Variants in SNTG1 observed in about 807,000 individuals in gnomAD.
The protein encoded by SNTG1 is syntrophin gamma 1, also known as gamma-1-syntrophin.
In SNTG1, 39 loss-of-function variants were observed where a neutral mutation model predicts 74.7. The observed-to-expected ratio is 0.52, with a 90% CI of 0.40 to 0.68. The LOEUF (loss-of-function observed/expected upper bound fraction) is 0.68, where lower values mean the gene tolerates loss of function less well. Ranked by LOEUF, SNTG1 falls within the 30% of genes least tolerant of loss-of-function variation. SNTG1 has a pLI of 0.00. For synonymous variants in SNTG1, 254 were observed against 217.1 expected (o/e 1.17, Z -1.49); for missense variants, 685 against 609.5 (o/e 1.12, Z -1.30).
intron 1 of SNTG1, among the ~76,000 whole-genome samples, chr8:50,034,370 G>A (rs1817977875): frequency 6.6e-6 from 1 of 152,226 alleles, no homozygotes; most frequent in Admixed American, 6.5e-5. Flanking sequence ...AACTGGTGTA[G>A]TTAGAAAACA....
chr8:50,593,460 T>C (rs1248531132), intron 13 of SNTG1, among the ~76,000 whole-genome samples: 2 of 151,244 alleles, frequency 1.3e-5, no homozygotes, highest in South Asian at 2.1e-4. Flanking sequence ...AATAAAGAAA[T>C]CAAAATCATA....
intron 1 of SNTG1, among the ~76,000 whole-genome samples, chr8:50,164,774 G>GA (rs1422774459): frequency 1.3e-5 from 2 of 152,036 alleles, no homozygotes; most frequent in Admixed American, 1.3e-4. Flanking sequence ...AAACTCTTTG[G>GA]AAAAAATATT....
At chr8:50,165,584 C>T (rs983622039) in intron 1 of SNTG1, among the ~76,000 whole-genome samples, 4 of 152,124 alleles carry the variant, frequency 2.6e-5, no homozygotes, top group Admixed American at 6.5e-5. Flanking sequence ...TCTTCAGCCA[C>T]GGACACTCAT....
chr8:50,086,148 C>T (rs1822865000), intron 1 of SNTG1, among the ~76,000 whole-genome samples: 1 of 152,092 alleles, frequency 6.6e-6, no homozygotes, highest in African/African-American at 2.4e-5. Flanking sequence ...AAGAAAAATT[C>T]AGAGAGACAA....
At chr8:50,370,608 C>T (rs1470070371) in intron 2 of SNTG1, among the ~76,000 whole-genome samples, 1 of 152,124 alleles carries the variant, frequency 6.6e-6, no homozygotes, top group Non-Finnish European at 1.5e-5. Flanking sequence ...AAGGACTTAA[C>T]CTTACATTGC....
chr8:50,212,195 G>A (rs2084553124), intron 2 of SNTG1, among the ~76,000 whole-genome samples: 1 of 151,992 alleles, frequency 6.6e-6, no homozygotes, highest in Non-Finnish European at 1.5e-5. Context: ...AACTTTCACT[G>A]TGATAATGAG....
intron 2 of SNTG1, among the ~76,000 whole-genome samples, chr8:50,289,328 A>C (rs1015439250): frequency 6.6e-6 from 1 of 152,216 alleles, no homozygotes; most frequent in African/African-American, 2.4e-5. Context: ...CACCGAATAG[A>C]ATGCACAGAC....
chr8:50,712,593 C>T (rs1437420275), intron 17 of SNTG1, among the ~76,000 whole-genome samples: 1 of 151,832 alleles, frequency 6.6e-6, no homozygotes, highest in African/African-American at 2.4e-5. Context: ...ATCCATCAAC[C>T]CGTCATCTAG....
At chr8:50,255,025 C>T (rs2086819012) in intron 2 of SNTG1, among the ~76,000 whole-genome samples, 1 of 131,538 alleles carries the variant, frequency 7.6e-6, no homozygotes, top group African/African-American at 2.9e-5. Context: ...TCACTTCAAT[C>T]TGAATTGTAG....
chr8:50,116,055 C>A (rs1224401236), intron 1 of SNTG1, among the ~76,000 whole-genome samples: 1 of 152,108 alleles, frequency 6.6e-6, no homozygotes, highest in African/African-American at 2.4e-5. Flanking sequence ...GCTCAAGGCA[C>A]TTTTTGAAGA....
At chr8:50,058,179 A>C (rs1820185170) in intron 1 of SNTG1, among the ~76,000 whole-genome samples, 1 of 152,144 alleles carries the variant, frequency 6.6e-6, no homozygotes, top group Admixed American at 6.6e-5. Context: ...GGGGGTTACC[A>C]CCAGAGGCAC....
chr8:49,983,945 G>A (rs1448323791), intron 1 of SNTG1, among the ~76,000 whole-genome samples: 1 of 151,840 alleles, frequency 6.6e-6, no homozygotes, highest in African/African-American at 2.4e-5. Flanking sequence ...TTTCATGGAT[G>A]TGCCAGTTCA....
chr8:49,961,402 G>A (rs987607779), intron 1 of SNTG1, among the ~76,000 whole-genome samples: 2 of 152,158 alleles, frequency 1.3e-5, no homozygotes, highest in African/African-American at 4.8e-5. Flanking sequence ...AATAATTGGT[G>A]CTTTCTAACC....
At chr8:50,025,562 GA>G (rs1246152144) in intron 1 of SNTG1, among the ~76,000 whole-genome samples, 2 of 152,130 alleles carry the variant, frequency 1.3e-5, no homozygotes, top group Non-Finnish European at 2.9e-5. Context: ...AACATTTGAA[GA>G]AGATAGATAG....
intron 17 of SNTG1, among the ~76,000 whole-genome samples, chr8:50,734,350 T>C (rs1207176083): frequency 6.6e-6 from 1 of 151,716 alleles, no homozygotes; most frequent in East Asian, 1.9e-4. Context: ...TCATTCTAAT[T>C]ATCTAGCAAA....
intron 8 of SNTG1, among the ~76,000 whole-genome samples, chr8:50,454,745 C>T (rs184157385): frequency 1.1e-4 from 16 of 143,712 alleles, no homozygotes; most frequent in East Asian, 1.1e-3. Flanking sequence ...AGGAGGTTGA[C>T]GCAGCAGAAT....
intron 2 of SNTG1, among the ~76,000 whole-genome samples, chr8:50,287,065 A>C (rs1234412945): frequency 1.3e-5 from 2 of 151,944 alleles, no homozygotes; most frequent in Non-Finnish European, 2.9e-5. Context: ...CCTGACTGTT[A>C]CTCCAGTCCT....
At chr8:49,972,734 C>T (rs1175744827) in intron 1 of SNTG1, among the ~76,000 whole-genome samples, 4 of 151,990 alleles carry the variant, frequency 2.6e-5, no homozygotes, top group South Asian at 4.1e-4. Context: ...CAAAAGAAGA[C>T]ATCTATGCAG....
At chr8:49,977,075 C>T (rs1350638553) in intron 1 of SNTG1, among the ~76,000 whole-genome samples, 1 of 152,014 alleles carries the variant, frequency 6.6e-6, no homozygotes, top group Non-Finnish European at 1.5e-5. Flanking sequence ...CATTGCAACT[C>T]AATTCAAAGA....
Sources: gnomAD v4.1 joint callset for allele counts (sites outside exome capture counted in the v4.1 genomes callset) on GRCh38, gnomAD v4.1.1 for gene constraint, MANE v1.5 for transcripts, NCBI Gene and HGNC (gene_info 2026-07-23, HGNC 2026-07-21) for gene names.